The following SORBS2 variants were observed in gnomAD, a reference collection of about 807,000 sequenced individuals.
SORBS2 encodes sorbin and SH3 domain containing 2, also known as sorbin and SH3 domain-containing protein 2.
SORBS2 carries 46 observed loss-of-function variants against 97.7 expected under a neutral mutation model. That is an observed-to-expected ratio of 0.47 (90% CI 0.37 to 0.60). The LOEUF is 0.60. Among genes scored for constraint, SORBS2 ranks in the 20% least tolerant of loss-of-function variants. SORBS2 has a pLI of 0.00. For missense variants in SORBS2, 1,316 were observed against 1,282.3 expected (o/e 1.03, Z -0.40); for synonymous variants, 476 against 473.4 (o/e 1.01, Z -0.07).
At chr4:185,779,709 G>A (rs2871491) in intron 1 of SORBS2, among the ~76,000 whole-genome samples, 31,470 of 152,106 alleles carry the variant, frequency 0.21, 4,276 homozygotes, top group African/African-American at 0.37. Flanking sequence ...GTCCTTTGAA[G>A]AGTGAGTTGT....
rs1205643231 is a variant in SORBS2, at chr4:185,596,701, A to AT, written c.2797-2767dup. ...AGGCACGCACCACCGTGCCCAGCTA[A>AT]TTTTTGTATTTTTAGTAGAGACAGG... On this transcript the variant is annotated intron_variant, in intron 12 of 14. Coordinates refer to ENST00000418609, the Ensembl canonical transcript of SORBS2. Among the ~76,000 whole-genome samples, 4 of 151,584 alleles carry AT rather than the reference A, an allele frequency of 2.6e-5. 1 individual carries two copies. Among genetic ancestry groups the AT allele is most frequent in the East Asian group, 1.9e-4 (1 of 5,156 alleles).
chr4:185,827,213 CCAT>C (rs1447817154), intron 1 of SORBS2, among the ~76,000 whole-genome samples: 13 of 41,066 alleles, frequency 3.2e-4, no homozygotes, highest in South Asian at 1.7e-3. Context: ...ACCATCATCA[CCAT>C]CATCACCATC....
intron 2 of SORBS2, among the ~76,000 whole-genome samples, chr4:185,718,262 G>C (rs1423904939): frequency 6.6e-6 from 1 of 152,008 alleles, no homozygotes; most frequent in East Asian, 1.9e-4. Context: ...AATATACTTA[G>C]AAAAATAGCT....
At chr4:185,927,097 G>T (rs973220305) in intron 1 of SORBS2, among the ~76,000 whole-genome samples, 2 of 149,028 alleles carry the variant, frequency 1.3e-5, no homozygotes, top group Non-Finnish European at 3.0e-5. Context: ...ATTACACATT[G>T]TCATATATAT....
At chr4:185,637,160 G>T (rs1322172592) in intron 4 of SORBS2, among the ~76,000 whole-genome samples, 2 of 152,198 alleles carry the variant, frequency 1.3e-5, no homozygotes, top group Non-Finnish European at 2.9e-5. Flanking sequence ...TTCCGTCAAC[G>T]ATGCACCTAT....
At chr4:185,844,421 C>T (rs79447420) in intron 1 of SORBS2, among the ~76,000 whole-genome samples, 14 of 151,012 alleles carry the variant, frequency 9.3e-5, no homozygotes, top group African/African-American at 3.1e-4. Flanking sequence ...ACTTCACACC[C>T]ATGAGAATGA....
chr4:185,851,562 C>T (rs917108261), intron 1 of SORBS2, among the ~76,000 whole-genome samples: 7 of 152,048 alleles, frequency 4.6e-5, no homozygotes, highest in African/African-American at 1.7e-4. Flanking sequence ...TGAGTGCCAA[C>T]TTGATTGGCT....
chr4:185,779,432 C>T (rs1214481616), intron 1 of SORBS2, among the ~76,000 whole-genome samples: 1 of 152,136 alleles, frequency 6.6e-6, no homozygotes, highest in Non-Finnish European at 1.5e-5. Flanking sequence ...ATTTGAAAAA[C>T]TGTGCAGATT....
chr4:185,745,767 C>A (rs1226423871), intron 2 of SORBS2, among the ~76,000 whole-genome samples: 3 of 152,334 alleles, frequency 2.0e-5, no homozygotes, highest in Admixed American at 6.5e-5. Context: ...TATCTACCCC[C>A]TCCCCCGATT....
intron 4 of SORBS2, chr4:185,676,972 G>A (rs866215991): frequency 1.6e-5 from 25 of 1,543,560 alleles, no homozygotes; most frequent in Non-Finnish European, 1.9e-5. Flanking sequence ...GTATTAATAC[G>A]AAGAGACTGA....
chr4:185,692,963 C>T (rs1288051087), intron 2 of SORBS2, among the ~76,000 whole-genome samples: 3 of 152,130 alleles, frequency 2.0e-5, no homozygotes, highest in East Asian at 1.9e-4. Context: ...ACAATATAGA[C>T]GATATCCTTA....
intron 1 of SORBS2, among the ~76,000 whole-genome samples, chr4:185,868,957 T>A (rs1168673621): frequency 1.3e-5 from 2 of 152,202 alleles, no homozygotes; most frequent in African/African-American, 4.8e-5. Flanking sequence ...GGAGAAACAA[T>A]GCTGATTTTA....
chr4:185,777,719 A>AT (rs1560968403), intron 1 of SORBS2, among the ~76,000 whole-genome samples: 1 of 152,114 alleles, frequency 6.6e-6, no homozygotes, highest in East Asian at 1.9e-4. Flanking sequence ...ACTGAGCTCA[A>AT]TGCGGCTAGT....
exon 15 of SORBS2, chr4:185,587,623 C>T (rs746512203): frequency 2.5e-6 from 4 of 1,612,914 alleles, no homozygotes. Flanking sequence ...GGAGGGAGCG[C>T]AATTCACAGC....
At position 185,730,484 on chromosome 4, in the gene SORBS2, T is replaced by C. The variant is rs114422446; in HGVS notation, c.-198+44743A>G. On this transcript the variant is annotated intron_variant, in intron 2 of 20. Coordinates refer to the SORBS2 transcript ENST00000284776. The stretch of plus-strand genomic sequence containing the variant: ...CAGCACTGAGCTGGGGCCCTGGAGC[T>C]CTCACTATTGTCCATCTGGCCGCAC... 4.6e-3 allele frequency among the ~76,000 whole-genome samples: 698 copies of C among 152,300 alleles called. 5 individuals are homozygous for C. Among genetic ancestry groups the C allele is most frequent in the African/African-American group, 0.016 (659 of 41,574 alleles).
chr4:185,607,634 A>G lies in SORBS2; in HGVS notation c.2796+4146T>C, dbSNP rs988065430. Among the ~76,000 whole-genome samples the G allele has an allele frequency of 3.3e-5, 5 of 152,152 alleles. No homozygotes were observed. The highest frequency in any genetic ancestry group is 1.2e-4 in the African/African-American group (5 of 41,446). On this transcript the variant is annotated intron_variant, in intron 12 of 14. Transcript: ENST00000418609. This position sits in a 1 kb window ranked among gnomAD's most constrained non-coding sequence, Gnocchi z 5.2. ...GTCTTAAATGTCAAACAAGATAAAG[A>G]TGATATAGAGATTACCAGGACAGTA...
At chr4:185,911,915 T>C (rs2099255315) in intron 1 of SORBS2, among the ~76,000 whole-genome samples, 1 of 152,230 alleles carries the variant, frequency 6.6e-6, no homozygotes, top group African/African-American at 2.4e-5. Flanking sequence ...ATCCCAGAGA[T>C]GGCTGCAGGG....
chr4:185,824,203 G>C (rs1312343732), intron 1 of SORBS2, among the ~76,000 whole-genome samples: 3 of 152,202 alleles, frequency 2.0e-5, no homozygotes, highest in Non-Finnish European at 4.4e-5. Flanking sequence ...GCTCCAGGGA[G>C]GATCTTTCCT....
chr4:185,626,891 C>T (rs1483779596), exon 6 of SORBS2: 1 of 1,614,226 alleles, frequency 6.2e-7, no homozygotes, highest in Admixed American at 1.7e-5. Flanking sequence ...AAGAGTGGTG[C>T]TTGATCCTGG....
Sources: allele counts gnomAD v4.1 joint callset (sites outside exome capture counted in the v4.1 genomes callset), GRCh38; gene constraint gnomAD v4.1.1; non-coding constraint Gnocchi (gnomAD v3.1); transcripts MANE v1.5; gene names NCBI Gene and HGNC (gene_info 2026-07-23, HGNC 2026-07-21).